PPFIA2: variants seen among roughly 807,000 people sequenced by gnomAD.
PPFIA2 encodes PPFI scaffold protein A2, also known as liprin-alpha-2.
A neutral mutation model predicts 175.5 loss-of-function variants in PPFIA2; 46 were observed. The ratio of observed to expected loss-of-function variants is 0.26; its 90% CI spans 0.21 to 0.34. The LOEUF (loss-of-function observed/expected upper bound fraction) is 0.34, where lower values mean the gene tolerates loss of function less well. PPFIA2 is among the 10% of genes least tolerant of loss of function. The pLI, the probability that PPFIA2 is intolerant of heterozygous loss-of-function variation, is 1.00. For synonymous variants in PPFIA2, 568 were observed against 511.4 expected (o/e 1.11, Z -1.49); for missense variants, 1,179 against 1,506.1 (o/e 0.78, Z 3.60).
intron 9 of PPFIA2, among the ~76,000 whole-genome samples, chr12:81,381,906 A>AT (rs1283645913): frequency 1.3e-5 from 2 of 152,050 alleles, no homozygotes; most frequent in South Asian, 2.1e-4. Flanking sequence ...TTCAGCAAAG[A>AT]TTTTTTGAGT....
chr12:81,664,686 G>T (rs1461773242), intron 4 of PPFIA2, among the ~76,000 whole-genome samples: 1 of 151,938 alleles, frequency 6.6e-6, no homozygotes, highest in Non-Finnish European at 1.5e-5. Context: ...CCCATTACTG[G>T]GTACATACCC....
In PPFIA2 at chr12:81,493,754, CTATATATATATATA is replaced by C. The variant is rs5799531; in HGVS notation, c.304-35902_304-35889del. 7.8e-3 allele frequency among the ~76,000 whole-genome samples: 797 copies of C among 102,108 alleles called. 10 individuals carry two copies. Among genetic ancestry groups the C allele is most frequent in the South Asian group, 0.047 (140 of 2,950 alleles). 67.0% of individuals were successfully genotyped at this position (102,108 alleles called of 152,430 possible). On this transcript the variant is annotated intron_variant, in intron 4 of 32. Coordinates refer to ENST00000549396, the MANE Select transcript of PPFIA2 (RefSeq NM_003625.5). ...TTTGTGTGTGTGTGTGTGTGTGTGT[CTATATATATATATA>C]TATATATATATATATATATACACAT...
At chr12:81,523,819 C>G (rs2063435389) in intron 4 of PPFIA2, among the ~76,000 whole-genome samples, 1 of 152,180 alleles carries the variant, frequency 6.6e-6, no homozygotes, top group Non-Finnish European at 1.5e-5. Context: ...AGCTGCTAAA[C>G]CTTGGTCACA....
intron 24 of PPFIA2, among the ~76,000 whole-genome samples, chr12:81,294,254 A>G (rs1014192809): frequency 6.6e-6 from 1 of 152,166 alleles, no homozygotes; most frequent in Non-Finnish European, 1.5e-5. Context: ...TAATATACCC[A>G]TGTAACGAAC....
rs541368424 is a variant in PPFIA2 at position 81,753,827 on chromosome 12, A to G, written c.249+146T>C. On this transcript the variant is annotated intron_variant, in intron 3 of 32. Transcript: ENST00000549396. ...TTGTTTGAGGCAAGGTTTCAAGTGAACTAATCATCTATTCCTAAGTTGTTC... is the reference window on the plus strand; with the variant it reads ...TTGTTTGAGGCAAGGTTTCAAGTGAGCTAATCATCTATTCCTAAGTTGTTC... 3.9e-6 allele frequency: 4 copies of G among 1,024,904 alleles called. No homozygotes were observed. In the East Asian group the frequency reaches 1.1e-4, roughly 27 times the overall value. The allele number at this position is 1,024,904 out of a possible 1,614,324, so 63.5% of individuals were successfully genotyped here.
intron 22 of PPFIA2, among the ~76,000 whole-genome samples, chr12:81,303,890 C>T (rs529165877): frequency 2.0e-5 from 3 of 152,136 alleles, no homozygotes; most frequent in African/African-American, 4.8e-5. Flanking sequence ...ATTAACCAGG[C>T]GGGTGCAACT....
intron 7 of PPFIA2, among the ~76,000 whole-genome samples, chr12:81,429,395 A>T (rs2047710347): frequency 6.6e-6 from 1 of 152,038 alleles, no homozygotes; most frequent in African/African-American, 2.4e-5. Flanking sequence ...CAGATATGGC[A>T]GTTTTAATTT....
chr12:81,718,025 T>A (rs1393839280), intron 3 of PPFIA2, among the ~76,000 whole-genome samples: 2 of 151,674 alleles, frequency 1.3e-5, no homozygotes, highest in African/African-American at 4.8e-5. Context: ...AGGCACCTCC[T>A]ATTTGGCCTG....
chr12:81,344,725 C>T, intron 18 of PPFIA2, 32 bp from the exon 19 acceptor site: 1 of 1,492,728 alleles, frequency 6.7e-7, no homozygotes, highest in Non-Finnish European at 9.1e-7. Flanking sequence ...ACATAAAACA[C>T]AATTAATTAA....
At chr12:81,271,820 C>T (rs1198338941) in intron 28 of PPFIA2, among the ~76,000 whole-genome samples, 1 of 152,216 alleles carries the variant, frequency 6.6e-6, no homozygotes, top group East Asian at 1.9e-4. Context: ...TTTACCCATA[C>T]ATTTTTCAGT....
intron 8 of PPFIA2, among the ~76,000 whole-genome samples, chr12:81,390,188 T>C (rs1177711192): frequency 6.6e-6 from 1 of 152,092 alleles, no homozygotes; most frequent in Admixed American, 6.6e-5. Context: ...TATTCATCAG[T>C]TGAGGGACAT....
chr12:81,332,659 C>T (rs1452302153), intron 21 of PPFIA2, among the ~76,000 whole-genome samples: 1 of 152,102 alleles, frequency 6.6e-6, no homozygotes, highest in Non-Finnish European at 1.5e-5. Flanking sequence ...CTTGAATAAT[C>T]GTATTTTTAA....
chr12:81,308,328 A>C (rs1222172577), intron 22 of PPFIA2, among the ~76,000 whole-genome samples: 2 of 152,314 alleles, frequency 1.3e-5, no homozygotes, highest in East Asian at 3.9e-4. Flanking sequence ...AAGTGTTTTT[A>C]TGTGTATTAA....
intron 22 of PPFIA2, 104 bp downstream of exon 22, chr12:81,325,673 C>T: frequency 3.8e-6 from 3 of 799,622 alleles, no homozygotes; most frequent in Non-Finnish European, 6.0e-6. Context: ...ATATTGGCTT[C>T]AATATAGTTC....
At chr12:81,298,883 A>T (rs2047129251) in intron 23 of PPFIA2, among the ~76,000 whole-genome samples, 1 of 152,184 alleles carries the variant, frequency 6.6e-6, no homozygotes, top group Admixed American at 6.5e-5. Flanking sequence ...ACTAAATTAC[A>T]GGCAAAGGAA....
chr12:81,344,602 T>C, intron 19 of PPFIA2, 62 bp downstream of exon 19: 1 of 1,225,640 alleles, frequency 8.2e-7, no homozygotes. Context: ...AATATTATTT[T>C]AAAGCTTTCA....
At chr12:81,673,874 C>A (rs1034730253) in intron 4 of PPFIA2, among the ~76,000 whole-genome samples, 7 of 148,870 alleles carry the variant, frequency 4.7e-5, no homozygotes, top group Non-Finnish European at 1.1e-4. Flanking sequence ...GAGTGATTTT[C>A]TTTTTCTTTA....
At chr12:81,595,184 T>A (rs1408997976) in intron 4 of PPFIA2, among the ~76,000 whole-genome samples, 2 of 151,418 alleles carry the variant, frequency 1.3e-5, no homozygotes, top group African/African-American at 4.9e-5. Flanking sequence ...AAATGTAGAA[T>A]CATGTTGAGA....
intron 4 of PPFIA2, among the ~76,000 whole-genome samples, chr12:81,606,961 C>T (rs191469942): frequency 1.3e-5 from 2 of 152,068 alleles, no homozygotes; most frequent in East Asian, 3.9e-4. Flanking sequence ...ACATTTAAAC[C>T]TTTAATCCAT....
Sources: allele counts gnomAD v4.1 joint callset (sites outside exome capture counted in the v4.1 genomes callset), GRCh38; gene constraint gnomAD v4.1.1; transcripts MANE v1.5; gene names NCBI Gene and HGNC (gene_info 2026-07-23, HGNC 2026-07-21).